The following UBE2E2 variants were observed in gnomAD, a reference collection of about 807,000 sequenced individuals.
UBE2E2 encodes the protein ubiquitin-conjugating enzyme E2 E2.
In UBE2E2, 6 loss-of-function variants were observed where a neutral mutation model predicts 24.7. That is an observed-to-expected ratio of 0.24 (90% confidence interval 0.13 to 0.48). The LOEUF (loss-of-function observed/expected upper bound fraction) is 0.48, where lower values mean the gene tolerates loss of function less well. Among genes scored for constraint, UBE2E2 ranks in the 20% least tolerant of loss-of-function variants. The probability of loss-of-function intolerance (pLI) is 0.99; values close to 1 mark genes in which losing one functional copy is unlikely to be tolerated. For missense variants in UBE2E2, 169 were observed against 245.0 expected (o/e 0.69, Z 2.07); for synonymous variants, 104 against 83.6 (o/e 1.24, Z -1.33).
chr3:23,553,798 G>C (rs62256972), intron 5 of UBE2E2, among the ~76,000 whole-genome samples: 32,133 of 152,014 alleles, frequency 0.21, 3,600 homozygotes, highest in Non-Finnish European at 0.26. Flanking sequence ...TCCCATTTAT[G>C]ATAGCATTTA....
At chr3:23,479,382 T>G in intron 3 of UBE2E2, among the ~76,000 whole-genome samples, 1 of 152,178 alleles carries the variant, frequency 6.6e-6, no homozygotes, top group East Asian at 1.9e-4. Context: ...ACAATGCATC[T>G]GAACGCAGTG....
intron 5 of UBE2E2, among the ~76,000 whole-genome samples, chr3:23,547,853 C>A (rs1300154413): frequency 1.3e-5 from 2 of 152,154 alleles, no homozygotes; most frequent in Admixed American, 1.3e-4. Context: ...ACCCACCCAG[C>A]CCTAAGGAGG....
At chr3:23,297,581 G>C (rs867922128) in intron 3 of UBE2E2, among the ~76,000 whole-genome samples, 1 of 152,150 alleles carries the variant, frequency 6.6e-6, no homozygotes, top group Admixed American at 6.5e-5. Flanking sequence ...TTTCCCCATT[G>C]CTTGTTTTTG....
chr3:23,362,232 A>G (rs150337183), intron 3 of UBE2E2, among the ~76,000 whole-genome samples: 31 of 152,304 alleles, frequency 2.0e-4, no homozygotes, highest in Admixed American at 4.6e-4. Context: ...AAGGGCATCA[A>G]TCTATCTGGG....
chr3:23,323,585 A>G (rs756424274), intron 3 of UBE2E2: 4 of 449,318 alleles, frequency 8.9e-6, no homozygotes, highest in African/African-American at 4.0e-5. Flanking sequence ...GATGCCCACT[A>G]GGTAGGTATA....
intron 3 of UBE2E2, among the ~76,000 whole-genome samples, chr3:23,344,679 C>T (rs536255180): frequency 6.6e-6 from 1 of 151,724 alleles, no homozygotes; most frequent in Non-Finnish European, 1.5e-5. Context: ...CATAGTGAGA[C>T]AAACCTTGTT....
intron 3 of UBE2E2, among the ~76,000 whole-genome samples, chr3:23,386,788 A>G (rs573003030): frequency 3.0e-4 from 46 of 152,210 alleles, no homozygotes; most frequent in Non-Finnish European, 6.2e-4. Context: ...TTGAATTTGA[A>G]GTAGAATGAC....
At chr3:23,452,063 GTTTTT>G in intron 3 of UBE2E2, among the ~76,000 whole-genome samples, 8 of 152,182 alleles carry the variant, frequency 5.3e-5, no homozygotes, top group African/African-American at 1.9e-4. Context: ...TCTTTGAGAT[GTTTTT>G]CTGGGCTTTG....
At chr3:23,506,876 G>T (rs867986322) in intron 4 of UBE2E2, among the ~76,000 whole-genome samples, 1 of 152,064 alleles carries the variant, frequency 6.6e-6, no homozygotes. Context: ...CAAGCAATCC[G>T]TCCGCCTCAG....
chr3:23,525,242 G>A (rs1382875147), intron 4 of UBE2E2, among the ~76,000 whole-genome samples: 4 of 152,012 alleles, frequency 2.6e-5, no homozygotes, highest in Admixed American at 6.6e-5. Flanking sequence ...AAGATTCTCC[G>A]CCTAATCACA....
intron 5 of UBE2E2, among the ~76,000 whole-genome samples, chr3:23,576,504 A>G (rs1053404908): frequency 3.3e-5 from 5 of 152,200 alleles, no homozygotes; most frequent in African/African-American, 4.8e-5. Context: ...CCATGTCCCT[A>G]TCTCTGACTT....
chr3:23,263,865 A>T (rs1282448906), intron 3 of UBE2E2, among the ~76,000 whole-genome samples: 1 of 152,198 alleles, frequency 6.6e-6, no homozygotes. Flanking sequence ...GCGAAACTGC[A>T]TAGGTCAGTT....
chr3:23,217,427 TG>T, intron 3 of UBE2E2, 115 bp downstream of exon 3: 1 of 943,496 alleles, frequency 1.1e-6, no homozygotes, highest in Non-Finnish European at 1.7e-6. Context: ...ACATCATTGT[TG>T]TTTGAACTTA....
chr3:23,344,436 A>G (rs1057037911), intron 3 of UBE2E2, among the ~76,000 whole-genome samples: 29 of 152,138 alleles, frequency 1.9e-4, no homozygotes, highest in African/African-American at 6.8e-4. Flanking sequence ...GGCAGATTTT[A>G]TGAAGCAAAC....
intron 3 of UBE2E2, among the ~76,000 whole-genome samples, chr3:23,256,813 T>G (rs1697736596): frequency 6.6e-6 from 1 of 152,200 alleles, no homozygotes; most frequent in Non-Finnish European, 1.5e-5. Flanking sequence ...CACGCACATA[T>G]AAAATCACTT....
intron 3 of UBE2E2, among the ~76,000 whole-genome samples, chr3:23,300,922 A>C (rs4293660): frequency 0.81 from 123,549 of 152,136 alleles, 50,372 homozygotes; most frequent in African/African-American, 0.89. Flanking sequence ...CAGGTACACC[A>C]ATCAGACGTA....
chr3:23,455,969 T>C (rs1698669063), intron 3 of UBE2E2, among the ~76,000 whole-genome samples: 1 of 152,240 alleles, frequency 6.6e-6, no homozygotes, highest in Non-Finnish European at 1.5e-5. Flanking sequence ...ATGTAACTTC[T>C]TTCAAAATTG....
At chr3:23,532,820 T>C (rs1038744900) in intron 5 of UBE2E2, 119 bp downstream of exon 5, 17 of 968,086 alleles carry the variant, frequency 1.8e-5, no homozygotes, top group Non-Finnish European at 1.8e-5. Flanking sequence ...ACTATTATTG[T>C]TAAATTTTCA....
At position 23,474,417 on chromosome 3, in the gene UBE2E2, T is replaced by C. The variant is rs1451016732; in HGVS notation, c.228-25191T>C. Reference sequence around the variant, plus strand: ...TTTAAAATGCAAATTTGGTACAAAGTACTCTTTTCTGAAGGGAACGTGCAG... The same window carrying C: ...TTTAAAATGCAAATTTGGTACAAAGCACTCTTTTCTGAAGGGAACGTGCAG... On this transcript the variant is annotated intron_variant, in intron 3 of 5. Coordinates refer to ENST00000396703, the MANE Select transcript of UBE2E2 (RefSeq NM_152653.4). The surrounding 1 kb of genome is among the most constrained non-coding windows in gnomAD (Gnocchi z 4.0). 1.3e-5 allele frequency among the ~76,000 whole-genome samples: 2 copies of C among 152,142 alleles called. No individual in the cohort carries two copies. Among genetic ancestry groups the C allele is most frequent in the Admixed American group, 1.3e-4 (2 of 15,284 alleles).
Sources: gnomAD v4.1 joint callset for allele counts (sites outside exome capture counted in the v4.1 genomes callset) on GRCh38, gnomAD v4.1.1 for gene constraint, Gnocchi (gnomAD v3.1) non-coding constraint, MANE v1.5 for transcripts, NCBI Gene and HGNC (gene_info 2026-07-23, HGNC 2026-07-21) for gene names.